The following RAB27B variants were observed in gnomAD, a reference collection of about 807,000 sequenced individuals.
RAB27B encodes the protein ras-related protein Rab-27B.
In RAB27B, 15 loss-of-function variants were observed where a neutral mutation model predicts 24.6. The observed-to-expected ratio is 0.61, with a 90% CI of 0.41 to 0.94. The LOEUF (loss-of-function observed/expected upper bound fraction) is 0.94, where lower values mean the gene tolerates loss of function less well. RAB27B is among the 40% of genes least tolerant of loss of function. The probability of loss-of-function intolerance (pLI) is 0.00; values close to 1 mark genes in which losing one functional copy is unlikely to be tolerated. For synonymous variants in RAB27B, 105 were observed against 92.5 expected, an observed-to-expected ratio of 1.14 and a Z score of -0.78; for missense variants, 261 against 266.8, an observed-to-expected ratio of 0.98 and a Z score of 0.15.
chr18:54,865,251 G>C (rs922306182), intron 1 of RAB27B, among the ~76,000 whole-genome samples: 3 of 151,350 alleles, frequency 2.0e-5, no homozygotes. Flanking sequence ...GTGTGTGTGT[G>C]TGTGTGTGTG....
chr18:54,731,752 C>T (rs1909740045), intron 2 of RAB27B, among the ~76,000 whole-genome samples: 1 of 152,094 alleles, frequency 6.6e-6, no homozygotes, highest in African/African-American at 2.4e-5. Context: ...TAAACATTTA[C>T]AAAAATGTAC....
intron 2 of RAB27B, among the ~76,000 whole-genome samples, chr18:54,822,049 A>G (rs989756910): frequency 1.3e-5 from 2 of 152,228 alleles, no homozygotes; most frequent in Non-Finnish European, 2.9e-5. Context: ...TACCATGCCC[A>G]GTCAACTAGC....
intron 2 of RAB27B, among the ~76,000 whole-genome samples, chr18:54,809,332 T>C (rs1319546892): frequency 6.6e-6 from 1 of 152,142 alleles, no homozygotes; most frequent in African/African-American, 2.4e-5. Context: ...CTACCACCAG[T>C]AGAGTATGCA....
At chr18:54,853,847 T>C (rs1455562673) in intron 1 of RAB27B, among the ~76,000 whole-genome samples, 2 of 152,206 alleles carry the variant, frequency 1.3e-5, no homozygotes, top group Non-Finnish European at 2.9e-5. Flanking sequence ...CTAATGTTTT[T>C]TCACCTCACA....
chr18:54,867,095 A>G (rs1598975706), intron 1 of RAB27B, among the ~76,000 whole-genome samples: 1 of 152,208 alleles, frequency 6.6e-6, no homozygotes, highest in East Asian at 1.9e-4. Context: ...TAAAGGAAAG[A>G]GCAGGAAGTG....
chr18:54,779,285 T>C (rs1306505769), intron 2 of RAB27B, among the ~76,000 whole-genome samples: 1 of 152,240 alleles, frequency 6.6e-6, no homozygotes, highest in African/African-American at 2.4e-5. Context: ...AGAGAGCTTA[T>C]TGATGGTGCC....
intron 5 of RAB27B, 167 bp downstream of exon 5, chr18:54,888,285 A>AC: frequency 5.9e-6 from 4 of 673,516 alleles, no homozygotes; most frequent in Non-Finnish European, 9.0e-6. Flanking sequence ...ATTACTTAAT[A>AC]ATAAGAGCAC....
At chr18:54,718,647 T>C (rs922657180) in intron 2 of RAB27B, among the ~76,000 whole-genome samples, 2 of 152,204 alleles carry the variant, frequency 1.3e-5, no homozygotes, top group Non-Finnish European at 2.9e-5. Flanking sequence ...TACTTTTTCC[T>C]GACTCAATAC....
chr18:54,872,078 C>A (rs1568108492), intron 1 of RAB27B, among the ~76,000 whole-genome samples: 2 of 152,020 alleles, frequency 1.3e-5, no homozygotes, highest in South Asian at 4.1e-4. Flanking sequence ...CAGAGCCATG[C>A]AAAATGCCAT....
chr18:54,760,533 G>A (rs1393012605), intron 2 of RAB27B, among the ~76,000 whole-genome samples: 3 of 152,108 alleles, frequency 2.0e-5, no homozygotes, highest in Non-Finnish European at 4.4e-5. Context: ...TAGTCCTTAG[G>A]GGTCAAGGAT....
intron 1 of RAB27B, among the ~76,000 whole-genome samples, chr18:54,858,661 T>A (rs1911887559): frequency 6.6e-6 from 1 of 152,210 alleles, no homozygotes; most frequent in Non-Finnish European, 1.5e-5. Flanking sequence ...ATTACAGGCG[T>A]GAGCCACTGT....
intron 2 of RAB27B, among the ~76,000 whole-genome samples, chr18:54,801,564 G>A (rs1909612284): frequency 6.6e-6 from 1 of 152,044 alleles, no homozygotes; most frequent in Non-Finnish European, 1.5e-5. Flanking sequence ...CATTGAGCAG[G>A]GTTCATCAGG....
At chr18:54,777,191 C>A (rs1354724709) in intron 2 of RAB27B, among the ~76,000 whole-genome samples, 1 of 152,106 alleles carries the variant, frequency 6.6e-6, no homozygotes, top group Non-Finnish European at 1.5e-5. Context: ...TAATAAAATG[C>A]ATGAAATGTT....
intron 2 of RAB27B, among the ~76,000 whole-genome samples, chr18:54,761,467 A>G (rs1186619055): frequency 6.6e-6 from 1 of 152,192 alleles, no homozygotes; most frequent in Non-Finnish European, 1.5e-5. Context: ...ATACTAAGCT[A>G]TGGGTATTTT....
intron 1 of RAB27B, among the ~76,000 whole-genome samples, chr18:54,867,794 A>G (rs1912300160): frequency 6.6e-6 from 1 of 152,192 alleles, no homozygotes; most frequent in Non-Finnish European, 1.5e-5. Flanking sequence ...AACCAGGGGC[A>G]GCAAAGAAAG....
intron 2 of RAB27B, among the ~76,000 whole-genome samples, chr18:54,819,851 A>G (rs527741388): frequency 1.4e-5 from 2 of 142,906 alleles, no homozygotes; most frequent in East Asian, 2.1e-4. Context: ...ATTCCCACCT[A>G]TGAGTGAGAA....
In RAB27B at chr18:54,806,466, A is replaced by G. The variant is rs563573780; in HGVS notation, c.-19-71101A>G. 2.0e-5 allele frequency among the ~76,000 whole-genome samples: 3 copies of G among 148,044 alleles called. No individual in the cohort carries two copies. The Admixed American group carries it at 2.0e-4, about 10-fold the overall frequency. ...TATAATATATGTTATATATTTATATATAATGATATATATAAATAAATAAAT... is the reference window on the plus strand; with the variant it reads ...TATAATATATGTTATATATTTATATGTAATGATATATATAAATAAATAAAT... On this transcript the variant is annotated intron_variant, in intron 2 of 4. Transcript: ENST00000586570.
At chr18:54,840,318 T>A (rs973272377) in intron 1 of RAB27B, among the ~76,000 whole-genome samples, 1 of 152,186 alleles carries the variant, frequency 6.6e-6, no homozygotes, top group Admixed American at 6.5e-5. Flanking sequence ...AATCAATGAT[T>A]TGTTGGCCAG....
At chr18:54,859,029 C>T (rs538438902) in intron 1 of RAB27B, among the ~76,000 whole-genome samples, 1 of 152,172 alleles carries the variant, frequency 6.6e-6, no homozygotes, top group African/African-American at 2.4e-5. Context: ...ATATGAGAAA[C>T]TAACACGTCA....
Sources: gnomAD v4.1 joint callset for allele counts (sites outside exome capture counted in the v4.1 genomes callset) on GRCh38, gnomAD v4.1.1 for gene constraint, MANE v1.5 for transcripts, NCBI Gene and HGNC (gene_info 2026-07-23, HGNC 2026-07-21) for gene names.